ALG8: variants seen among roughly 807,000 people sequenced by gnomAD.
ALG8 encodes the protein ALG8 alpha-1,3-glucosyltransferase.
Under a neutral mutation model 70.2 loss-of-function variants are expected in ALG8, and 48 were observed. That is an observed-to-expected ratio of 0.68 (90% CI 0.54 to 0.87). The LOEUF is 0.87. Among genes scored for constraint, ALG8 ranks in the 40% least tolerant of loss-of-function variants. The pLI is 0.00. For synonymous variants in ALG8, 234 were observed against 229.0 expected, an observed-to-expected ratio of 1.02 and a Z score of -0.20; for missense variants, 572 against 608.7, an observed-to-expected ratio of 0.94 and a Z score of 0.64.
chr11:78,138,011 C>T (rs569708728), intron 1 of ALG8, among the ~76,000 whole-genome samples: 12 of 152,162 alleles, frequency 7.9e-5, no homozygotes, highest in South Asian at 2.1e-4. Context: ...CCAAAGTGAG[C>T]GCTATATACA....
intron 5 of ALG8, among the ~76,000 whole-genome samples, chr11:78,117,879 A>G (rs1860647414): frequency 6.6e-6 from 1 of 151,812 alleles, no homozygotes; most frequent in Non-Finnish European, 1.5e-5. Context: ...TCAAGACCAT[A>G]CTGTAAATGG....
At chr11:78,121,206 C>A (rs758216857) in intron 3 of ALG8, 32 bp from the exon 4 acceptor site, 5 of 1,460,504 alleles carry the variant, frequency 3.4e-6, no homozygotes, top group Admixed American at 1.7e-5. Context: ...GAAACAGAAA[C>A]AACTTTGATC....
intron 1 of ALG8, among the ~76,000 whole-genome samples, chr11:78,136,448 G>A (rs1861555810): frequency 6.6e-6 from 1 of 152,112 alleles, no homozygotes; most frequent in Non-Finnish European, 1.5e-5. Context: ...GAGGGAGGAA[G>A]GCTGCTCAAG....
At position 78,106,762 on chromosome 11, in the gene ALG8, T is replaced by C. The variant is rs12284153; in HGVS notation, c.1178+45A>G. On this transcript the variant is annotated intron_variant, in intron 10 of 12. Coordinates refer to ENST00000299626, the MANE Select transcript of ALG8 (RefSeq NM_024079.5). The stretch of plus-strand genomic sequence containing the variant: ...ACAGAGCAAATAGAAAATAGGATCA[T>C]TGTGAAATATGCCAAAATGCTCACT... The C allele has an allele frequency of 7.1e-4, 1,149 of 1,611,962 alleles. 10 individuals carry two copies. In the African/African-American group the frequency reaches 0.013, roughly 19 times the overall value.
At chr11:78,121,959 A>G (rs1401868366) in intron 3 of ALG8, among the ~76,000 whole-genome samples, 1 of 152,242 alleles carries the variant, frequency 6.6e-6, no homozygotes, top group Non-Finnish European at 1.5e-5. Context: ...TTTTATGAAA[A>G]TTATATTCGA....
chr11:78,136,408 T>C (rs1479519151), intron 1 of ALG8, among the ~76,000 whole-genome samples: 6 of 151,838 alleles, frequency 4.0e-5, no homozygotes, highest in Non-Finnish European at 7.4e-5. Context: ...CATGGTGGCA[T>C]CTGTCTTTGT....
At chr11:78,119,416 ATTTTTTTTTTAATTTTT>A (rs1565354179) in intron 4 of ALG8, among the ~76,000 whole-genome samples, 167 bp from the exon 5 acceptor site, 3 of 139,258 alleles carry the variant, frequency 2.2e-5, no homozygotes, top group African/African-American at 8.9e-5. Context: ...ACAGATTCAA[ATTTTTTTTTTAATTTTT>A]TTTTTTTTTT....
chr11:78,112,766 T>A lies in ALG8; in HGVS notation c.782A>T (p.Gln261Leu), dbSNP rs202094137. 1 of 1,613,548 alleles carries A rather than the reference T, an allele frequency of 6.2e-7. No homozygotes were observed. Among genetic ancestry groups the A allele is most frequent in the East Asian group, 2.2e-5 (1 of 44,856 alleles). ...LSLGPFLALN[Q>L]LPQVFSRLFP... ...GAGTCGGGAAAAGACTTGAGGCAGC[T>A]GATTCTGTTGAAAAGAGAAATGAAA... Residue 261 changes from glutamine to leucine, a missense_variant, in exon 8 of 13, where the codon CAG becomes CTG. Transcript: ENST00000299626.
At chr11:78,128,896 G>A (rs1294150400) in intron 1 of ALG8, among the ~76,000 whole-genome samples, 1 of 151,820 alleles carries the variant, frequency 6.6e-6, no homozygotes, top group Non-Finnish European at 1.5e-5. Flanking sequence ...TTACAGGCAT[G>A]AGCCACCATG....
At chr11:78,113,318 TGAA>T (rs1382524217) in intron 7 of ALG8, among the ~76,000 whole-genome samples, 1 of 152,166 alleles carries the variant, frequency 6.6e-6, no homozygotes, top group Non-Finnish European at 1.5e-5. Flanking sequence ...ACACAAATAA[TGAA>T]GATCAATTCT....
Position 78,104,067 on chromosome 11 carries a change from GAA to G in ALG8, c.1277-17_1277-16del. 2 of 1,399,162 alleles carry G rather than the reference GAA, an allele frequency of 1.4e-6. No individual in the cohort carries two copies. The highest frequency in any genetic ancestry group is 1.8e-5 in the Admixed American group (1 of 55,500). 86.7% of individuals were successfully genotyped at this position (1,399,162 alleles called of 1,614,324 possible). On this transcript the variant is annotated splice_polypyrimidine_tract_variant and intron_variant, in intron 11 of 12. Transcript: ENST00000299626. The stretch of plus-strand genomic sequence containing the variant: ...AATGGGAAGTTCTGTTAAAAGAATA[GAA>G]AAAAAAAGATAATTTAGCTGATGAC...
At chr11:78,136,959 T>C (rs1040090954) in intron 1 of ALG8, among the ~76,000 whole-genome samples, 1 of 151,712 alleles carries the variant, frequency 6.6e-6, no homozygotes, top group African/African-American at 2.4e-5. Flanking sequence ...TGGAGTGCAA[T>C]AGCGCGATCT....
intron 2 of ALG8, among the ~76,000 whole-genome samples, chr11:78,124,639 TA>T (rs1239357407): frequency 2.6e-5 from 4 of 152,234 alleles, no homozygotes; most frequent in African/African-American, 9.6e-5. Flanking sequence ...CTGGAGATGA[TA>T]AACTTGGTTA....
intron 1 of ALG8, among the ~76,000 whole-genome samples, chr11:78,134,598 C>T (rs191604542): frequency 7.9e-5 from 12 of 152,298 alleles, no homozygotes; most frequent in African/African-American, 2.9e-4. Context: ...TCAAACCCTG[C>T]CACTGATTAT....
intron 1 of ALG8, among the ~76,000 whole-genome samples, chr11:78,131,525 C>A (rs1471572049): frequency 1.3e-5 from 2 of 152,014 alleles, no homozygotes; most frequent in Admixed American, 6.6e-5. Flanking sequence ...ACGGCTTGAG[C>A]CCAGGAATTT....
intron 3 of ALG8, among the ~76,000 whole-genome samples, chr11:78,123,706 C>T (rs1325549531): frequency 6.6e-6 from 1 of 152,040 alleles, no homozygotes; most frequent in African/African-American, 2.4e-5. Context: ...TGCAAGGAAG[C>T]AAAGAAAAAC....
At chr11:78,132,372 AG>A (rs2136943427) in intron 1 of ALG8, among the ~76,000 whole-genome samples, 1 of 152,282 alleles carries the variant, frequency 6.6e-6, no homozygotes, top group African/African-American at 2.4e-5. Flanking sequence ...ACTTTCTCAA[AG>A]GGCACCTAGC....
intron 9 of ALG8, among the ~76,000 whole-genome samples, chr11:78,108,340 C>T (rs540659590): frequency 2.0e-5 from 3 of 151,904 alleles, no homozygotes; most frequent in Non-Finnish European, 4.4e-5. Flanking sequence ...GGTGCAGTGG[C>T]AGGCGCCTGT....
chr11:78,127,113 G>A (rs1303800447), intron 2 of ALG8, among the ~76,000 whole-genome samples: 1 of 151,904 alleles, frequency 6.6e-6, no homozygotes, highest in African/African-American at 2.4e-5. Flanking sequence ...TGAGTAGCTG[G>A]GATTACAGGT....
Sources: allele counts gnomAD v4.1 joint callset (sites outside exome capture counted in the v4.1 genomes callset), GRCh38; gene constraint gnomAD v4.1.1; transcripts MANE v1.5; gene names NCBI Gene and HGNC (gene_info 2026-07-23, HGNC 2026-07-21).